The following SCN10A variants were observed in gnomAD, a reference collection of about 807,000 sequenced individuals.
The protein encoded by SCN10A is sodium voltage-gated channel alpha subunit 10, also known as sodium channel protein type 10 subunit alpha.
A neutral mutation model predicts 170.7 loss-of-function variants in SCN10A; 162 were observed. The ratio of observed to expected loss-of-function variants is 0.95; its 90% CI spans 0.84 to 1.08. The LOEUF (loss-of-function observed/expected upper bound fraction) is 1.08, where lower values mean the gene tolerates loss of function less well. Among genes scored for constraint, SCN10A ranks in the 50% least tolerant of loss-of-function variants. The pLI, the probability that SCN10A is intolerant of heterozygous loss-of-function variation, is 0.00. For missense variants in SCN10A, 2,527 were observed against 2,436.9 expected (o/e 1.04, Z -0.78); for synonymous variants, 985 against 904.6 (o/e 1.09, Z -1.59).
chr3:38,759,373 A>G (rs538305462), intron 8 of SCN10A, among the ~76,000 whole-genome samples: 1 of 152,030 alleles, frequency 6.6e-6, no homozygotes. Context: ...GCCACCTGGA[A>G]TGGTCTTCGC....
intron 4 of SCN10A, among the ~76,000 whole-genome samples, chr3:38,777,750 T>C (rs1001189831): frequency 1.3e-5 from 2 of 152,040 alleles, no homozygotes; most frequent in Non-Finnish European, 2.9e-5. Flanking sequence ...ATGAGATTAC[T>C]GGGAGAAACA....
At chr3:38,731,127 G>T (rs913175544) in intron 15 of SCN10A, among the ~76,000 whole-genome samples, 2 of 152,220 alleles carry the variant, frequency 1.3e-5, no homozygotes, top group African/African-American at 4.8e-5. Context: ...CAGAAAGGAA[G>T]GAATAACAGT....
chr3:38,777,015 T>C (rs554733806), intron 4 of SCN10A, among the ~76,000 whole-genome samples: 34 of 151,520 alleles, frequency 2.2e-4, no homozygotes, highest in African/African-American at 8.2e-4. Context: ...AAACAAGAAA[T>C]GGAAAAAATT....
chr3:38,785,232 T>C (rs2064184272), intron 4 of SCN10A, among the ~76,000 whole-genome samples: 1 of 152,148 alleles, frequency 6.6e-6, no homozygotes, highest in East Asian at 1.9e-4. Context: ...CTTCAAGCTA[T>C]ACTACAAAGC....
intron 2 of SCN10A, 133 bp downstream of exon 2, chr3:38,793,608 T>TA: frequency 1.1e-5 from 8 of 724,518 alleles, no homozygotes; most frequent in East Asian, 5.1e-5. Context: ...ATATATATAT[T>TA]TTTTTTGGTT....
rs373128353 is a variant in SCN10A at position 38,697,535 on chromosome 3, A to T, written c.5685T>A (p.Val1895=). The T allele has an allele frequency of 1.9e-6, 3 of 1,614,072 alleles. No homozygotes were observed. In the African/African-American group the frequency reaches 4.0e-5, roughly 22 times the overall value. The change falls in exon 28 of 28, where the codon GTT becomes GTA. Residue 1895 remains valine (V), a synonymous_variant. Transcript: ENST00000449082. ...EAASLPDEGF[V]AFTANENCVL... ...CACAATTTTCATTTGCTGTGAATGC[A>T]ACAAAACCTTCATCTGGGAGTGATG... is the stretch of plus-strand genomic sequence containing the variant.
chr3:38,760,776 CAG>C, intron 7 of SCN10A, 29 bp from the exon 8 acceptor site: 1 of 1,586,628 alleles, frequency 6.3e-7, no homozygotes, highest in Non-Finnish European at 8.7e-7. Context: ...GAAAGCCTCA[CAG>C]ATGGTTCTGA....
chr3:38,735,883 T>A (rs1042933948), intron 15 of SCN10A, among the ~76,000 whole-genome samples: 3 of 152,228 alleles, frequency 2.0e-5, no homozygotes, highest in Non-Finnish European at 2.9e-5. Context: ...TTCCTATGTA[T>A]GTGCTGGGCC....
intron 15 of SCN10A, 47 bp from the exon 16 acceptor site, chr3:38,728,948 C>T (rs1410858923): frequency 6.5e-7 from 1 of 1,542,308 alleles, no homozygotes; most frequent in Non-Finnish European, 8.7e-7. Flanking sequence ...GTGCTCATTA[C>T]CTTTCATCTA....
In SCN10A at chr3:38,710,612, C is replaced by T. The variant is rs75088937; in HGVS notation, c.4143+232G>A. Reference sequence around the variant, plus strand: ...ATCTGATGCTTTCCTCAACAGTGAACAGAGGAAAACCTCGAGAAGCCTGGG... The same window carrying T: ...ATCTGATGCTTTCCTCAACAGTGAATAGAGGAAAACCTCGAGAAGCCTGGG... On this transcript the variant is annotated intron_variant, in intron 24 of 27. Transcript: ENST00000449082. Among the ~76,000 whole-genome samples, 92 of 152,204 alleles carry T rather than the reference C, an allele frequency of 6.0e-4. No individual in the cohort carries two copies. In the East Asian group the frequency reaches 0.016, roughly 26 times the overall value.
At chr3:38,799,402 CA>C (rs1179135802) in intron 1 of SCN10A, among the ~76,000 whole-genome samples, 1 of 152,168 alleles carries the variant, frequency 6.6e-6, no homozygotes, top group Non-Finnish European at 1.5e-5. Context: ...AATTTGTAAA[CA>C]AGTGTCCTCT....
chr3:38,710,941 C>T, intron 23 of SCN10A, 44 bp from the exon 24 acceptor site: 8 of 1,550,036 alleles, frequency 5.2e-6, no homozygotes, highest in African/African-American at 1.4e-5. Flanking sequence ...GCCCATCCAT[C>T]TATACTGGAC....
intron 4 of SCN10A, among the ~76,000 whole-genome samples, chr3:38,785,739 A>G (rs1460720465): frequency 6.6e-6 from 1 of 152,232 alleles, no homozygotes; most frequent in African/African-American, 2.4e-5. Flanking sequence ...TCAATCTGAC[A>G]AAGGGCTAAT....
intron 20 of SCN10A, among the ~76,000 whole-genome samples, chr3:38,719,027 T>C (rs1312764799): frequency 6.6e-6 from 1 of 152,228 alleles, no homozygotes; most frequent in Non-Finnish European, 1.5e-5. Flanking sequence ...AAAGCATGAC[T>C]TCTTCAGGGC....
At position 38,701,821 on chromosome 3, in the gene SCN10A, A is replaced by C; in HGVS notation, c.4657+18T>G. The stretch of plus-strand genomic sequence containing the variant: ...CAAACAGAGGTGGGGCTTCCCCACC[A>C]CGTGGCTGCCCACTTACTCGCAATG... On this transcript the variant is annotated intron_variant, in intron 27 of 27. Transcript: ENST00000449082. 1 of 1,583,922 alleles carries C rather than the reference A, an allele frequency of 6.3e-7. No individual in the cohort carries two copies. The highest frequency in any genetic ancestry group is 8.6e-7 in the Non-Finnish European group (1 of 1,163,244).
In SCN10A at chr3:38,697,476, G is replaced by A. The variant is rs960482332; in HGVS notation, c.5744C>T (p.Thr1915Ile). ...LPDKSETASA[T>I]SFPPSYESVT... ...ACTCTCATAGGACGGTGGGAATGAT[G>A]TGGCAGAAGCAGTTTCAGATTTGTC... Residue 1915 changes from threonine (T) to isoleucine (I), a missense_variant, in exon 28 of 28, where the codon ACA (threonine) becomes ATA (isoleucine). Coordinates refer to ENST00000449082, the MANE Select transcript of SCN10A (RefSeq NM_006514.4). 4.3e-6 allele frequency: 7 copies of A among 1,614,206 alleles called. No homozygotes were observed. The highest frequency in any genetic ancestry group is 3.3e-5 in the South Asian group (3 of 91,084).
At chr3:38,701,699 G>T in intron 27 of SCN10A, 140 bp downstream of exon 27, 2 of 765,058 alleles carry the variant, frequency 2.6e-6, no homozygotes, top group Non-Finnish European at 4.1e-6. Context: ...TGCTACTCTT[G>T]GAAAGCTGCA....
At position 38,730,259 on chromosome 3, in the gene SCN10A, A is replaced by C. The variant is rs988408843; in HGVS notation, c.2281-1358T>G. 2.0e-5 allele frequency among the ~76,000 whole-genome samples: 3 copies of C among 152,288 alleles called. No homozygotes were observed. The South Asian group carries it at 6.2e-4, about 32-fold the overall frequency. On this transcript the variant is annotated intron_variant, in intron 15 of 27. Coordinates refer to ENST00000449082, the MANE Select transcript of SCN10A (RefSeq NM_006514.4). ...TGTTAGGTACCAGCTACAGGAGGAAAATTGACGCTGAGCATTTGAAACAAC... is the reference window on the plus strand; with the variant it reads ...TGTTAGGTACCAGCTACAGGAGGAACATTGACGCTGAGCATTTGAAACAAC...
intron 1 of SCN10A, among the ~76,000 whole-genome samples, chr3:38,802,185 C>T (rs1169247178): frequency 6.6e-6 from 1 of 152,160 alleles, no homozygotes; most frequent in Non-Finnish European, 1.5e-5. Context: ...GGTCCATAAC[C>T]TTTGGGAGCT....
Sources: gnomAD v4.1 joint callset for allele counts (sites outside exome capture counted in the v4.1 genomes callset) on GRCh38, gnomAD v4.1.1 for gene constraint, MANE v1.5 for transcripts, NCBI Gene and HGNC (gene_info 2026-07-23, HGNC 2026-07-21) for gene names.